The following TMTC2 variants were observed in gnomAD, a reference collection of about 807,000 sequenced individuals.
TMTC2 encodes protein O-mannosyl-transferase TMTC2.
Under a neutral mutation model 82.4 loss-of-function variants are expected in TMTC2, and 43 were observed. That is an observed-to-expected ratio of 0.52 (90% CI 0.41 to 0.67). The LOEUF (loss-of-function observed/expected upper bound fraction) is 0.67, where lower values mean the gene tolerates loss of function less well. Among genes scored for constraint, TMTC2 ranks in the 30% least tolerant of loss-of-function variants. The probability of loss-of-function intolerance (pLI) is 0.00; values close to 1 mark genes in which losing one functional copy is unlikely to be tolerated. For missense variants in TMTC2, 919 were observed against 1,012.4 expected (o/e 0.91, Z 1.25); for synonymous variants, 408 against 381.9 (o/e 1.07, Z -0.80).
chr12:82,956,196 T>C (rs1877604761), intron 4 of TMTC2, among the ~76,000 whole-genome samples: 1 of 152,066 alleles, frequency 6.6e-6, no homozygotes, highest in Non-Finnish European at 1.5e-5. Flanking sequence ...AACAAACTAG[T>C]AACTTCATGA....
intron 8 of TMTC2, among the ~76,000 whole-genome samples, chr12:83,020,867 T>C (rs1216429553): frequency 1.3e-5 from 2 of 152,198 alleles, no homozygotes; most frequent in Non-Finnish European, 2.9e-5. Context: ...AACACCTTCA[T>C]TTATGTAATA....
intron 10 of TMTC2, 94 bp downstream of exon 10, chr12:83,051,112 C>G: frequency 7.9e-6 from 6 of 762,932 alleles, no homozygotes; most frequent in South Asian, 2.0e-5. Flanking sequence ...TCCACATTCT[C>G]AATGTGAGTC....
chr12:82,797,003 T>C (rs944760211), intron 1 of TMTC2, among the ~76,000 whole-genome samples: 36 of 152,314 alleles, frequency 2.4e-4, no homozygotes, highest in African/African-American at 8.2e-4. Flanking sequence ...GATATGTTTG[T>C]ATAATATAAG....
chr12:82,845,606 A>G (rs989482736), intron 1 of TMTC2, among the ~76,000 whole-genome samples: 2 of 152,056 alleles, frequency 1.3e-5, no homozygotes, highest in African/African-American at 2.4e-5. Flanking sequence ...TACGGTGAGA[A>G]GGAGGTGAGG....
chr12:83,057,051 T>A (rs549180756), intron 10 of TMTC2, among the ~76,000 whole-genome samples: 31 of 152,024 alleles, frequency 2.0e-4, no homozygotes, highest in Admixed American at 7.2e-4. Flanking sequence ...CCCATTGCAA[T>A]TCCTTCTCCT....
At chr12:82,942,583 G>T (rs1425958855) in intron 4 of TMTC2, among the ~76,000 whole-genome samples, 2 of 152,108 alleles carry the variant, frequency 1.3e-5, no homozygotes, top group Admixed American at 1.3e-4. Context: ...AATGTTTAAT[G>T]ATTTCATCAA....
chr12:82,878,318 T>G (rs1872678141), intron 2 of TMTC2, among the ~76,000 whole-genome samples: 1 of 152,246 alleles, frequency 6.6e-6, no homozygotes, highest in South Asian at 2.1e-4. Context: ...AGTGTCACTT[T>G]GGGCCTCAAC....
chr12:83,048,776 C>T (rs369086633), intron 9 of TMTC2, among the ~76,000 whole-genome samples: 1 of 152,168 alleles, frequency 6.6e-6, no homozygotes. Context: ...TCAAGCAATT[C>T]TCCTGCCTCG....
intron 11 of TMTC2, among the ~76,000 whole-genome samples, chr12:83,082,642 G>A (rs184656186): frequency 6.6e-6 from 1 of 152,214 alleles, no homozygotes; most frequent in African/African-American, 2.4e-5. Flanking sequence ...TGTATTCTGT[G>A]TACAATAACA....
chr12:82,856,031 T>C (rs1398564539), intron 1 of TMTC2, among the ~76,000 whole-genome samples: 2 of 152,198 alleles, frequency 1.3e-5, no homozygotes, highest in African/African-American at 4.8e-5. Context: ...GGGCCAGTTA[T>C]TAATTAATCT....
intron 8 of TMTC2, among the ~76,000 whole-genome samples, chr12:83,006,996 G>A (rs1481324052): frequency 2.6e-5 from 4 of 151,970 alleles, no homozygotes; most frequent in South Asian, 2.1e-4. Context: ...TAAATGACGA[G>A]TTGATGGGTG....
At chr12:82,729,695 G>A (rs1388531816) in intron 1 of TMTC2, among the ~76,000 whole-genome samples, 7 of 152,246 alleles carry the variant, frequency 4.6e-5, no homozygotes, top group African/African-American at 1.7e-4. Flanking sequence ...TCAGCAGGAT[G>A]TGGGTGGGGC....
intron 9 of TMTC2, among the ~76,000 whole-genome samples, chr12:83,031,135 G>A (rs945509555): frequency 2.0e-5 from 3 of 151,974 alleles, no homozygotes; most frequent in African/African-American, 7.2e-5. Context: ...CAAGTTCAGT[G>A]TGGAGTTTAA....
Position 83,096,329 on chromosome 12 carries a change from T to A in TMTC2, c.2331+34498T>A, listed in dbSNP as rs143098051. Among the ~76,000 whole-genome samples, 1,394 of 152,388 alleles carry A rather than the reference T, an allele frequency of 9.1e-3. 20 individuals carry two copies. Among genetic ancestry groups the A allele is most frequent in the Middle Eastern group, 0.031 (9 of 294 alleles). On this transcript the variant is annotated intron_variant, in intron 11 of 11. Coordinates refer to ENST00000321196, the MANE Select transcript of TMTC2 (RefSeq NM_152588.3). ...AGGCCCTGCATGATCTGGTCTTAGC[T>A]GATCTTTGCCATCACATCTCACATT...
intron 10 of TMTC2, among the ~76,000 whole-genome samples, chr12:83,060,317 A>G (rs186412542): frequency 1.3e-5 from 2 of 151,832 alleles, no homozygotes; most frequent in East Asian, 3.9e-4. Flanking sequence ...AGTTATTTCC[A>G]TAATTTATAT....
intron 11 of TMTC2, among the ~76,000 whole-genome samples, chr12:83,072,652 A>G (rs1317312538): frequency 6.6e-6 from 1 of 152,132 alleles, no homozygotes; most frequent in Non-Finnish European, 1.5e-5. Context: ...TTAGTCTATT[A>G]GTAATTGTTT....
chr12:82,906,065 C>A (rs1435911496), intron 3 of TMTC2, among the ~76,000 whole-genome samples: 1 of 151,684 alleles, frequency 6.6e-6, no homozygotes, highest in East Asian at 1.9e-4. Flanking sequence ...TTCAATTTAA[C>A]ATGGCATCAA....
intron 11 of TMTC2, among the ~76,000 whole-genome samples, chr12:83,131,226 G>A (rs1885246927): frequency 6.6e-6 from 1 of 152,174 alleles, no homozygotes; most frequent in African/African-American, 2.4e-5. Flanking sequence ...AATATTATCT[G>A]CTTTCTGTTA....
intron 11 of TMTC2, among the ~76,000 whole-genome samples, chr12:83,084,885 A>G (rs371707951): frequency 1.3e-5 from 2 of 152,220 alleles, no homozygotes; most frequent in South Asian, 2.1e-4. Context: ...AAATCTGACT[A>G]TGGTGGAGGA....
Sources: allele counts gnomAD v4.1 joint callset (sites outside exome capture counted in the v4.1 genomes callset), GRCh38; gene constraint gnomAD v4.1.1; transcripts MANE v1.5; gene names NCBI Gene and HGNC (gene_info 2026-07-23, HGNC 2026-07-21).